The following GOSR1 variants were observed in gnomAD, a reference collection of about 807,000 sequenced individuals.
GOSR1 encodes golgi SNAP receptor complex member 1.
Under a neutral mutation model 35.5 loss-of-function variants are expected in GOSR1, and 21 were observed. That is an observed-to-expected ratio of 0.59 (90% CI 0.42 to 0.85). The LOEUF (loss-of-function observed/expected upper bound fraction) is 0.85, where lower values mean the gene tolerates loss of function less well. GOSR1 is among the 40% of genes least tolerant of loss of function. GOSR1 has a pLI of 0.00. For synonymous variants in GOSR1, 94 were observed against 106.6 expected (o/e 0.88, Z 0.73); for missense variants, 285 against 309.6 (o/e 0.92, Z 0.60).
chr17:30,488,896 A>G (rs1914851622), intron 4 of GOSR1, among the ~76,000 whole-genome samples: 1 of 152,192 alleles, frequency 6.6e-6, no homozygotes, highest in Admixed American at 6.5e-5. Context: ...TCAGTAGGGA[A>G]TTTATTAAAT....
chr17:30,499,091 A>C (rs780424623), intron 6 of GOSR1, among the ~76,000 whole-genome samples: 1 of 152,168 alleles, frequency 6.6e-6, no homozygotes, highest in African/African-American at 2.4e-5. Context: ...AGAATTTTAT[A>C]CAAATGAATT....
chr17:30,488,834 A>G (rs1914849032), intron 4 of GOSR1, among the ~76,000 whole-genome samples: 1 of 152,158 alleles, frequency 6.6e-6, no homozygotes, highest in African/African-American at 2.4e-5. Context: ...CACCCTGCCT[A>G]GTCTTGCAGT....
At chr17:30,490,103 G>A (rs750708951) in intron 4 of GOSR1, 23 bp from the exon 5 acceptor site, 5 of 1,039,614 alleles carry the variant, frequency 4.8e-6, no homozygotes, top group Non-Finnish European at 7.6e-6. Context: ...CTTCTGTTGA[G>A]ACTGGATGTT....
intron 6 of GOSR1, among the ~76,000 whole-genome samples, chr17:30,503,927 G>C (rs1291978517): frequency 1.3e-5 from 2 of 152,092 alleles, no homozygotes; most frequent in Non-Finnish European, 2.9e-5. Flanking sequence ...AAAGATGACT[G>C]ATGTGTAAGG....
chr17:30,485,862 A>G (rs1395941470), intron 4 of GOSR1, among the ~76,000 whole-genome samples: 1 of 151,970 alleles, frequency 6.6e-6, no homozygotes, highest in Non-Finnish European at 1.5e-5. Flanking sequence ...TCTCTACTAA[A>G]AGTATAAAAA....
chr17:30,505,226 A>G (rs763871206), intron 6 of GOSR1, among the ~76,000 whole-genome samples: 24 of 152,138 alleles, frequency 1.6e-4, no homozygotes, highest in Non-Finnish European at 3.4e-4. Context: ...ATAGATTTGC[A>G]TGCAGTTTTA....
intron 1 of GOSR1, chr17:30,480,777 A>G (rs1242626271): frequency 6.5e-6 from 1 of 154,662 alleles, no homozygotes; most frequent in Non-Finnish European, 1.4e-5. Context: ...CGATGGCGCA[A>G]TCTTGGCTCA....
rs71360748 is a variant in GOSR1, at chr17:30,521,167, C to CTTTTTTT, written c.623-1064_623-1058dup. Among the ~76,000 whole-genome samples, 12 of 64,222 alleles carry CTTTTTTT rather than the reference C, an allele frequency of 1.9e-4. 1 individual carries two copies. Among genetic ancestry groups the CTTTTTTT allele is most frequent in the Non-Finnish European group, 2.9e-4 (11 of 37,936 alleles). The allele number at this position is 64,222 out of a possible 152,430, so 42.1% of individuals were successfully genotyped here. A position where few individuals can be genotyped will look rare whatever the true frequency, so the allele number is the denominator to read the frequency against. On this transcript the variant is annotated intron_variant, in intron 8 of 8. Coordinates refer to ENST00000451249, the MANE Select transcript of GOSR1 (RefSeq NM_001007025.2). ...CATCTCTCCCATAAGTTCTCTCTCT[C>CTTTTTTT]TTTTTTTTTTTTTTTTTTTTTTTTT...
At position 30,522,593 on chromosome 17, in the gene GOSR1, TAAAAA is replaced by T; in HGVS notation, c.*227_*231del. On this transcript the variant is annotated 3_prime_UTR_variant, in exon 9 of 9. Coordinates refer to ENST00000451249, the MANE Select transcript of GOSR1 (RefSeq NM_001007025.2). ...TCTAACACATTTTTCTGTTTTTAAT[TAAAAA>T]AAAAAAAAAAAGGTTTTCAGTTGCT... 4.0e-6 allele frequency: 1 copy of T among 250,888 alleles called. No individual in the cohort carries two copies. Among genetic ancestry groups the T allele is most frequent in the Non-Finnish European group, 7.2e-6 (1 of 138,704 alleles). 15.5% of individuals were successfully genotyped at this position (250,888 alleles called of 1,614,324 possible).
chr17:30,492,277 T>G (rs1232312714), intron 5 of GOSR1, among the ~76,000 whole-genome samples: 1 of 152,232 alleles, frequency 6.6e-6, no homozygotes, highest in Admixed American at 6.5e-5. Flanking sequence ...CCACATATAT[T>G]ATTGTGAAAG....
intron 6 of GOSR1, among the ~76,000 whole-genome samples, chr17:30,499,745 T>C (rs1160243825): frequency 6.6e-6 from 1 of 152,258 alleles, no homozygotes; most frequent in Admixed American, 6.5e-5. Flanking sequence ...AAAGTGGTTA[T>C]ACCATTTTTG....
At chr17:30,510,364 G>A (rs1443031425) in intron 6 of GOSR1, among the ~76,000 whole-genome samples, 3 of 150,892 alleles carry the variant, frequency 2.0e-5, no homozygotes, top group Non-Finnish European at 3.0e-5. Context: ...GTGAGCCACC[G>A]TGCCTGGTCG....
intron 6 of GOSR1, 157 bp from the exon 7 acceptor site, chr17:30,510,723 A>G (rs560822295): frequency 2.0e-5 from 10 of 511,554 alleles, no homozygotes; most frequent in Admixed American, 1.1e-4. Flanking sequence ...TAAAAAAGAA[A>G]AAAATTAGAG....
At chr17:30,502,234 A>C (rs1231438283) in intron 6 of GOSR1, among the ~76,000 whole-genome samples, 1 of 152,236 alleles carries the variant, frequency 6.6e-6, no homozygotes, top group Non-Finnish European at 1.5e-5. Context: ...GAAGCACAGG[A>C]TACTTAGGGC....
intron 6 of GOSR1, among the ~76,000 whole-genome samples, chr17:30,501,020 A>G (rs915072755): frequency 3.3e-5 from 5 of 151,744 alleles, no homozygotes; most frequent in Non-Finnish European, 5.9e-5. Context: ...AGCTGGGACT[A>G]CAGGCGCCTG....
At chr17:30,503,890 C>T (rs1967303999) in intron 6 of GOSR1, among the ~76,000 whole-genome samples, 1 of 152,108 alleles carries the variant, frequency 6.6e-6, no homozygotes, top group African/African-American at 2.4e-5. Flanking sequence ...TTGAAATATG[C>T]TTTACAGGAT....
chr17:30,517,380 C>G (rs1302468464), intron 7 of GOSR1, among the ~76,000 whole-genome samples: 2 of 152,180 alleles, frequency 1.3e-5, no homozygotes, highest in Non-Finnish European at 2.9e-5. Context: ...AACTTTTTCA[C>G]TGTCATACAA....
At chr17:30,493,289 AC>A (rs779636913) in intron 6 of GOSR1, among the ~76,000 whole-genome samples, 3 of 152,058 alleles carry the variant, frequency 2.0e-5, no homozygotes, top group Non-Finnish European at 4.4e-5. Flanking sequence ...CCACCACCGC[AC>A]CCGGCCAGTG....
Position 30,519,305 on chromosome 17 carries a change from G to A in GOSR1, c.540-634G>A, listed in dbSNP as rs142725394. Among the ~76,000 whole-genome samples, 419 of 152,110 alleles carry A rather than the reference G, an allele frequency of 2.8e-3. 1 individual carries two copies. The highest frequency in any genetic ancestry group is 3.8e-3 in the Non-Finnish European group (258 of 68,008). On this transcript the variant is annotated intron_variant, in intron 7 of 8. Transcript: ENST00000451249. ...TGGGCTCAAGTGATCCTCCCACCTC[G>A]GTCTTCCAAATTCGGTGCTGGGATT...
Sources: gnomAD v4.1 joint callset for allele counts (sites outside exome capture counted in the v4.1 genomes callset) on GRCh38, gnomAD v4.1.1 for gene constraint, MANE v1.5 for transcripts, NCBI Gene and HGNC (gene_info 2026-07-23, HGNC 2026-07-21) for gene names.